Variants in EXOC5 observed in about 807,000 individuals in gnomAD.
The protein encoded by EXOC5 is SEC10-like 1.
EXOC5 carries 17 observed loss-of-function variants against 90.8 expected under a neutral mutation model. The observed-to-expected ratio is 0.19, with a 90% CI of 0.13 to 0.28. The LOEUF is 0.28. Ranked by LOEUF, EXOC5 falls within the 10% of genes least tolerant of loss-of-function variation. The pLI, the probability that EXOC5 is intolerant of heterozygous loss-of-function variation, is 1.00. For missense variants in EXOC5, 569 were observed against 830.6 expected, an observed-to-expected ratio of 0.69 and a Z score of 3.87; for synonymous variants, 260 against 270.0, an observed-to-expected ratio of 0.96 and a Z score of 0.36.
Position 57,208,714 on chromosome 14 carries a change from G to T in EXOC5, c.2022C>A (p.Val674=), listed in dbSNP as rs761293880. 21 of 1,610,610 alleles carry T rather than the reference G, an allele frequency of 1.3e-5. 1 individual carries two copies. The South Asian group carries it at 2.1e-4, about 16-fold the overall frequency. Reference sequence around the variant, plus strand: ...GATTAGCAAGTTGTTCTCCTGAGCAGACTTGCTTTAAATTATCTGGGGCAA... The same window carrying T: ...GATTAGCAAGTTGTTCTCCTGAGCATACTTGCTTTAAATTATCTGGGGCAA... ...LVVAPDNLKQ[V]CSGEQLANLD... Residue 674 remains valine, a synonymous_variant, in exon 18 of 18, where the codon GTC becomes GTA. Coordinates refer to ENST00000621441, the MANE Select transcript of EXOC5 (RefSeq NM_006544.4).
chr14:57,220,849 C>CT (rs1301228165), intron 13 of EXOC5, among the ~76,000 whole-genome samples: 8 of 151,946 alleles, frequency 5.3e-5, no homozygotes, highest in Admixed American at 2.6e-4. Flanking sequence ...TATATACACA[C>CT]TTTTTTTAAT....
At chr14:57,236,823 TCTAAC>T (rs1191577225) in intron 6 of EXOC5, among the ~76,000 whole-genome samples, 2 of 151,858 alleles carry the variant, frequency 1.3e-5, no homozygotes, top group African/African-American at 2.4e-5. Flanking sequence ...CCTAGAATGA[TCTAAC>T]CTAAACTAAA....
rs112776229 is a variant in EXOC5, at chr14:57,244,811, A to C, written c.271-452T>G. ...CAGGAGTTCAAGACCAGCCTGGACA[A>C]CATGGTAAAACCCAATCTCTACTAA... On this transcript the variant is annotated intron_variant, in intron 3 of 17. Transcript: ENST00000621441. 4.9e-4 allele frequency among the ~76,000 whole-genome samples: 75 copies of C among 152,318 alleles called. 1 individual carries two copies. Among genetic ancestry groups the C allele is most frequent in the African/African-American group, 1.8e-3 (73 of 41,572 alleles).
At chr14:57,237,942 T>C (rs1883713028) in intron 5 of EXOC5, among the ~76,000 whole-genome samples, 1 of 152,038 alleles carries the variant, frequency 6.6e-6, no homozygotes, top group African/African-American at 2.4e-5. Context: ...ATTAAAAAAC[T>C]AAAATACCAC....
In EXOC5 at chr14:57,206,715, A is replaced by C. The variant is rs1310074991; in HGVS notation, c.*1894T>G. On this transcript the variant is annotated 3_prime_UTR_variant, in exon 18 of 18. Transcript: ENST00000621441. ...ATATTGCACAGAACTCAAACATGAA[A>C]ATAATAAACAAAATAACTAAGCAAC... is the stretch of plus-strand genomic sequence containing the variant. 2.6e-5 allele frequency: 4 copies of C among 152,308 alleles called. No homozygotes were observed. The highest frequency in any genetic ancestry group is 1.3e-4 in the Admixed American group (2 of 15,244). 9.4% of individuals were successfully genotyped at this position (152,308 alleles called of 1,614,324 possible). A position where few individuals can be genotyped will look rare whatever the true frequency, so the allele number is the denominator to read the frequency against.
Position 57,219,418 on chromosome 14 carries a change from T to C in EXOC5, c.1430A>G (p.Asn477Ser). ...LAGIPSSDSR[N>S]ANLYFLDVVQ... The stretch of plus-strand genomic sequence containing the variant: ...AACGTCCAAAAAATAAAGATTTGCA[T>C]TCCTAGAATCTGAAGAGGGAATTCC... The change falls in exon 14 of 18, where the codon AAT becomes AGT. Residue 477 changes from asparagine to serine, a missense_variant. This residue lies in a region of EXOC5 where 56 missense variants were observed against 51.1 expected (regional missense o/e 1.10). Coordinates refer to ENST00000621441, the MANE Select transcript of EXOC5 (RefSeq NM_006544.4). 6.4e-7 allele frequency: 1 copy of C among 1,571,968 alleles called. No homozygotes were observed. The highest frequency in any genetic ancestry group is 8.6e-7 in the Non-Finnish European group (1 of 1,159,300).
At chr14:57,223,547 A>T (rs1047047493) in intron 12 of EXOC5, among the ~76,000 whole-genome samples, 1 of 151,988 alleles carries the variant, frequency 6.6e-6, no homozygotes, top group Non-Finnish European at 1.5e-5. Context: ...CTCTACTCCA[A>T]TATTCACCCT....
chr14:57,244,056 C>T, intron 4 of EXOC5, 109 bp downstream of exon 4: 1 of 692,934 alleles, frequency 1.4e-6, no homozygotes, highest in South Asian at 1.9e-5. Flanking sequence ...TTTAATAAGT[C>T]AGCTACTCAG....
chr14:57,211,041 G>A (rs1882811397), intron 15 of EXOC5, among the ~76,000 whole-genome samples: 1 of 152,112 alleles, frequency 6.6e-6, no homozygotes, highest in Admixed American at 6.6e-5. Context: ...GTTTCCTCTG[G>A]AATTATCTGC....
chr14:57,227,558 A>C (rs1011205666), intron 12 of EXOC5, among the ~76,000 whole-genome samples: 1 of 152,104 alleles, frequency 6.6e-6, no homozygotes, highest in Non-Finnish European at 1.5e-5. Context: ...TAACGGTACC[A>C]ATTTCACTCC....
intron 12 of EXOC5, among the ~76,000 whole-genome samples, chr14:57,223,912 A>T (rs1883226646): frequency 6.6e-6 from 1 of 152,224 alleles, no homozygotes. Context: ...ACAGAAAGAC[A>T]TCTAATAAAT....
Position 57,230,767 on chromosome 14 carries a change from GT to G in EXOC5, c.1148+738del, listed in dbSNP as rs536006280. 2.4e-3 allele frequency among the ~76,000 whole-genome samples: 362 copies of G among 152,076 alleles called. 2 individuals are homozygous for G. Among genetic ancestry groups the G allele is most frequent in the African/African-American group, 8.3e-3 (346 of 41,480 alleles). On this transcript the variant is annotated intron_variant, in intron 11 of 17. Coordinates refer to ENST00000621441, the MANE Select transcript of EXOC5 (RefSeq NM_006544.4). ...TAGGCATTAAGGTATTAATTTAATA[GT>G]TTTTTATGCTAAAGTCTCTGAACAA...
At chr14:57,259,114 C>CTTTTT in intron 1 of EXOC5, among the ~76,000 whole-genome samples, 1 of 144,806 alleles carries the variant, frequency 6.9e-6, no homozygotes, top group Non-Finnish European at 1.5e-5. Context: ...ACACACTTTT[C>CTTTTT]TTTTTTTTTT....
intron 15 of EXOC5, among the ~76,000 whole-genome samples, chr14:57,211,921 GTGA>G (rs1374612483): frequency 6.6e-6 from 1 of 152,086 alleles, no homozygotes; most frequent in Non-Finnish European, 1.5e-5. Flanking sequence ...GGAATGCAGT[GTGA>G]TGATTGCTCA....
At chr14:57,263,583 C>A (rs1884580728) in intron 1 of EXOC5, among the ~76,000 whole-genome samples, 1 of 150,940 alleles carries the variant, frequency 6.6e-6, no homozygotes. Flanking sequence ...CTGGCCAACA[C>A]AGCGAAAGCC....
In EXOC5 at chr14:57,204,206, G is replaced by C. The variant is rs950284837; in HGVS notation, c.*4403C>G. 5.3e-5 allele frequency: 8 copies of C among 152,090 alleles called. No homozygotes were observed. The highest frequency in any genetic ancestry group is 7.4e-5 in the Non-Finnish European group (5 of 67,972). 9.4% of individuals were successfully genotyped at this position (152,090 alleles called of 1,614,324 possible). ...ATACCTCGGGTCTAGTTCAAAAATA[G>C]GAATTTTGTTAAGCCCAGGGGCAGC... On this transcript the variant is annotated 3_prime_UTR_variant, in exon 18 of 18. Transcript: ENST00000621441.
At chr14:57,247,368 CATT>C (rs1302875887) in intron 2 of EXOC5, among the ~76,000 whole-genome samples, 1 of 152,044 alleles carries the variant, frequency 6.6e-6, no homozygotes, top group East Asian at 1.9e-4. Context: ...GTTTATGACT[CATT>C]AGAAGAAATG....
chr14:57,234,446 A>G (rs1190524828), intron 7 of EXOC5, among the ~76,000 whole-genome samples: 1 of 150,298 alleles, frequency 6.7e-6, no homozygotes, highest in Non-Finnish European at 1.5e-5. Context: ...GGTTTTACAT[A>G]TATATATGTA....
In EXOC5 at chr14:57,208,635, C is replaced by T. The variant is rs758229466; in HGVS notation, c.2101G>A (p.Ala701Thr). The change falls in exon 18 of 18, where the codon GCC (alanine) becomes ACC (threonine). Residue 701 changes from alanine to threonine, a missense_variant. Physicochemically the swap from Ala to Thr is moderately conservative, Grantham distance 58. Coordinates refer to ENST00000621441, the MANE Select transcript of EXOC5 (RefSeq NM_006544.4). Reference sequence around the variant, plus strand: ...CAGCTGAAGTGTCGAGCAAGGCGGGCAGATCTATAATCAGCACGAAGTTGT... The same window carrying T: ...CAGCTGAAGTGTCGAGCAAGGCGGGTAGATCTATAATCAGCACGAAGTTGT... ...FVQLRADYRS[A>T]RLARHFS 14 of 1,604,614 alleles carry T rather than the reference C, an allele frequency of 8.7e-6. No individual in the cohort carries two copies. The African/African-American group carries it at 1.9e-4, about 21-fold the overall frequency.
Sources: gnomAD v4.1 joint callset for allele counts (sites outside exome capture counted in the v4.1 genomes callset) on GRCh38, gnomAD v4.1.1 for gene constraint, gnomAD v4.1.1 regional missense constraint, MANE v1.5 for transcripts, NCBI Gene and HGNC (gene_info 2026-07-23, HGNC 2026-07-21) for gene names.